PCDH15: variants seen among roughly 807,000 people sequenced by gnomAD.
PCDH15 encodes protocadherin related 15.
Under a neutral mutation model 178.5 loss-of-function variants are expected in PCDH15, and 129 were observed. That is an observed-to-expected ratio of 0.72 (90% CI 0.63 to 0.84). The LOEUF (loss-of-function observed/expected upper bound fraction) is 0.84, where lower values mean the gene tolerates loss of function less well. PCDH15 is among the 40% of genes least tolerant of loss of function. The pLI is 0.00. For missense variants in PCDH15, 2,230 were observed against 2,099.9 expected (o/e 1.06, Z -1.21); for synonymous variants, 800 against 732.0 (o/e 1.09, Z -1.50).
intron 28 of PCDH15, among the ~76,000 whole-genome samples, chr10:53,846,642 G>T (rs548647793): frequency 6.6e-6 from 1 of 151,966 alleles, no homozygotes; most frequent in East Asian, 1.9e-4. Flanking sequence ...TTTGGTAGAT[G>T]CTCTAAATTT....
chr10:55,063,168 C>T lies in PCDH15; in HGVS notation c.-80+103408G>A, dbSNP rs138547746. 1.4e-3 allele frequency among the ~76,000 whole-genome samples: 207 copies of T among 152,180 alleles called. 1 individual carries two copies. Among genetic ancestry groups the T allele is most frequent in the African/African-American group, 4.7e-3 (194 of 41,532 alleles). ...TTAATCTCTATAATTTACTATGCCT[C>T]TATTTTTTGTTAACTGAAAATGTAC... is the stretch of plus-strand genomic sequence containing the variant. On this transcript the variant is annotated intron_variant, in intron 2 of 5. Coordinates refer to the PCDH15 transcript ENST00000458638.
At chr10:54,827,117 G>A (rs951836785) in intron 3 of PCDH15, among the ~76,000 whole-genome samples, 1 of 152,068 alleles carries the variant, frequency 6.6e-6, no homozygotes, top group East Asian at 1.9e-4. Flanking sequence ...TCTTATGATA[G>A]CAGATGGCCA....
chr10:53,888,702 T>TATATATATATG (rs1554845542), intron 26 of PCDH15, among the ~76,000 whole-genome samples: 1 of 46,190 alleles, frequency 2.2e-5, no homozygotes, highest in Non-Finnish European at 4.5e-5. Flanking sequence ...TATATATATA[T>TATATATATATG]ATCTCCTGTG....
At chr10:54,379,679 T>G (rs1003250119) in intron 3 of PCDH15, among the ~76,000 whole-genome samples, 1 of 152,128 alleles carries the variant, frequency 6.6e-6, no homozygotes, top group Non-Finnish European at 1.5e-5. Context: ...CCCATGCATT[T>G]TACATGTCGA....
chr10:54,438,289 TTTA>T (rs2075561486), intron 3 of PCDH15, among the ~76,000 whole-genome samples: 1 of 149,116 alleles, frequency 6.7e-6, no homozygotes, highest in South Asian at 2.1e-4. Context: ...TTTTTTTTTT[TTTA>T]AATAATCTCA....
At chr10:54,773,736 C>T (rs1185769468) in intron 1 of PCDH15, among the ~76,000 whole-genome samples, 1 of 152,090 alleles carries the variant, frequency 6.6e-6, no homozygotes, top group East Asian at 1.9e-4. Context: ...ACTAGAAACA[C>T]TATTTTAAAA....
intron 1 of PCDH15, among the ~76,000 whole-genome samples, chr10:54,672,582 A>T (rs2094695485): frequency 6.6e-6 from 1 of 152,192 alleles, no homozygotes; most frequent in South Asian, 2.1e-4. Flanking sequence ...TTCTTGGACC[A>T]GAGGATGGCC....
intron 1 of PCDH15, among the ~76,000 whole-genome samples, chr10:55,307,541 A>G (rs116362149): frequency 0.011 from 1,627 of 152,008 alleles, 31 homozygotes; most frequent in African/African-American, 0.037. Flanking sequence ...CTTTCCCAAA[A>G]GTTAATCTTA....
chr10:55,070,198 G>T (rs1841693806), intron 2 of PCDH15, among the ~76,000 whole-genome samples: 1 of 152,042 alleles, frequency 6.6e-6, no homozygotes, highest in African/African-American at 2.4e-5. Flanking sequence ...AGATGAGTAG[G>T]TTGCGAAAAT....
chr10:54,345,157 G>A (rs1943035480), intron 6 of PCDH15, among the ~76,000 whole-genome samples: 1 of 151,726 alleles, frequency 6.6e-6, no homozygotes, highest in Admixed American at 6.6e-5. Context: ...ATGCAACAGA[G>A]ATAATACTAC....
In PCDH15 at chr10:53,988,473, A is replaced by T. The variant is rs550920570; in HGVS notation, c.2868+7176T>A. Among the ~76,000 whole-genome samples the T allele has an allele frequency of 2.4e-4, 36 of 152,288 alleles. No individual in the cohort carries two copies. In the South Asian group the frequency reaches 7.5e-3, roughly 32 times the overall value. On this transcript the variant is annotated intron_variant, in intron 21 of 37. Transcript: ENST00000644397. The stretch of plus-strand genomic sequence containing the variant: ...GACCTCAGGCTGTGACACAGTCTCT[A>T]GGCTATGTTAGGTCTGTGTTTGATT...
At chr10:55,281,692 T>C (rs976950806) in intron 1 of PCDH15, among the ~76,000 whole-genome samples, 2 of 152,148 alleles carry the variant, frequency 1.3e-5, no homozygotes, top group African/African-American at 4.8e-5. Flanking sequence ...ATCAAATCCA[T>C]ATATTAACCT....
chr10:54,950,015 C>T (rs1019645544), intron 2 of PCDH15, among the ~76,000 whole-genome samples: 1 of 152,038 alleles, frequency 6.6e-6, no homozygotes, highest in Non-Finnish European at 1.5e-5. Context: ...GTTCCAACCT[C>T]TGCCTCTTAC....
intron 3 of PCDH15, among the ~76,000 whole-genome samples, chr10:54,468,875 A>G (rs1264506964): frequency 2.6e-5 from 4 of 151,996 alleles, no homozygotes; most frequent in Non-Finnish European, 5.9e-5. Flanking sequence ...TCTTTTGCTG[A>G]ATTTATTCCT....
chr10:55,573,917 G>T, intron 2 of PCDH15, among the ~76,000 whole-genome samples: 1 of 151,534 alleles, frequency 6.6e-6, no homozygotes. Context: ...TAATATATAA[G>T]CTAATATTCA....
intron 21 of PCDH15, among the ~76,000 whole-genome samples, chr10:53,968,564 C>T (rs1350405438): frequency 2.6e-5 from 4 of 152,166 alleles, no homozygotes; most frequent in South Asian, 4.1e-4. Context: ...TCAAGTGGGT[C>T]CCTGACCCCC....
intron 2 of PCDH15, among the ~76,000 whole-genome samples, chr10:55,381,107 T>C (rs1309792018): frequency 6.6e-6 from 1 of 152,064 alleles, no homozygotes; most frequent in African/African-American, 2.4e-5. Context: ...TGTGCTTTGG[T>C]TGTTGGTTGT....
intron 9 of PCDH15, among the ~76,000 whole-genome samples, chr10:54,221,704 G>A (rs530581590): frequency 6.6e-6 from 1 of 151,874 alleles, no homozygotes; most frequent in Admixed American, 6.6e-5. Flanking sequence ...CTGAGTTGAA[G>A]CAATTCTCCC....
rs1319250555 is a variant in PCDH15 at position 54,168,157 on chromosome 10, T to C, written c.1591-14864A>G. ...CTTGACCCCAATACAAACTCGACAGTAGTTCCAAATAGCCAGAAAATGGCA... is the reference window on the plus strand; with the variant it reads ...CTTGACCCCAATACAAACTCGACAGCAGTTCCAAATAGCCAGAAAATGGCA... On this transcript the variant is annotated intron_variant, in intron 13 of 37. Coordinates refer to ENST00000644397, the MANE Select transcript of PCDH15 (RefSeq NM_001384140.1). Among the ~76,000 whole-genome samples, 482 of 152,130 alleles carry C rather than the reference T, an allele frequency of 3.2e-3. 3 individuals are homozygous for C. Among genetic ancestry groups the C allele is most frequent in the African/African-American group, 0.011 (467 of 41,492 alleles).
Sources: allele counts gnomAD v4.1 joint callset (sites outside exome capture counted in the v4.1 genomes callset), GRCh38; gene constraint gnomAD v4.1.1; transcripts MANE v1.5; gene names NCBI Gene and HGNC (gene_info 2026-07-23, HGNC 2026-07-21).